Variants in DSTYK observed in about 807,000 individuals in gnomAD.
The protein encoded by DSTYK is RIP-homologous kinase.
In DSTYK, 34 loss-of-function variants were observed where a neutral mutation model predicts 98.7. That is an observed-to-expected ratio of 0.34 (90% confidence interval 0.26 to 0.46). The LOEUF (loss-of-function observed/expected upper bound fraction) is 0.46, where lower values mean the gene tolerates loss of function less well. Among genes scored for constraint, DSTYK ranks in the 20% least tolerant of loss-of-function variants. The pLI is 1.00. For synonymous variants in DSTYK, 462 were observed against 457.3 expected, an observed-to-expected ratio of 1.01 and a Z score of -0.13; for missense variants, 962 against 1,181.7, an observed-to-expected ratio of 0.81 and a Z score of 2.73.
rs370863915 is a variant in DSTYK at position 205,160,309 on chromosome 1, G to A, written c.1949-39C>T. The A allele has an allele frequency of 5.0e-5, 79 of 1,575,254 alleles. No homozygotes were observed. The African/African-American group carries it at 7.4e-4, about 15-fold the overall frequency. On this transcript the variant is annotated intron_variant, in intron 7 of 12. Coordinates refer to ENST00000367162, the MANE Select transcript of DSTYK (RefSeq NM_015375.3). ...AGACAGAGATAAGGCAGGAGGAATG[G>A]GAACTTCGTGGGCAACCTCTGTAAG...
chr1:205,197,436 C>T (rs1013201971), intron 1 of DSTYK, among the ~76,000 whole-genome samples: 1 of 152,114 alleles, frequency 6.6e-6, no homozygotes, highest in Non-Finnish European at 1.5e-5. Flanking sequence ...AGAAAATTTG[C>T]ATGAAGCAGG....
intron 1 of DSTYK, chr1:205,202,642 G>T: frequency 8.4e-7 from 1 of 1,196,728 alleles, no homozygotes; most frequent in South Asian, 1.2e-5. Flanking sequence ...GATCCTTACT[G>T]AAAAGGAACA....
chr1:205,181,529 A>G (rs1435098579), intron 2 of DSTYK, among the ~76,000 whole-genome samples: 2 of 151,352 alleles, frequency 1.3e-5, no homozygotes, highest in African/African-American at 4.9e-5. Flanking sequence ...TAATTTTTGT[A>G]TTTTTAATAG....
At chr1:205,190,608 T>A (rs1487367775) in intron 1 of DSTYK, among the ~76,000 whole-genome samples, 2 of 94,750 alleles carry the variant, frequency 2.1e-5, no homozygotes, top group Non-Finnish European at 3.8e-5. Flanking sequence ...AGAGCGAGAC[T>A]CCATCTCAAA....
In DSTYK at chr1:205,162,157, C is replaced by G. The variant is rs1335596582; in HGVS notation, c.1697G>C (p.Arg566Thr). ...CTCAATGGCTTCCTGGGCCACCTTC[C>G]TCTTCCATTCCAGAGTGATGGCAGG... Reference protein sequence around the residue: ...SPPAITLEWKRKVAQEAIESL... With the variant: ...SPPAITLEWKTKVAQEAIESL... Residue 566 changes from arginine to threonine, a missense_variant, in exon 6 of 13, where the codon AGG (arginine) becomes ACG (threonine). By Grantham distance (71) the Arg-to-Thr change is moderately conservative. Coordinates refer to ENST00000367162, the MANE Select transcript of DSTYK (RefSeq NM_015375.3). 1 of 1,614,186 alleles carries G rather than the reference C, an allele frequency of 6.2e-7. No individual in the cohort carries two copies. Among genetic ancestry groups the G allele is most frequent in the Non-Finnish European group, 8.5e-7 (1 of 1,180,004 alleles).
Position 205,169,479 on chromosome 1 carries a change from C to T in DSTYK, c.1008G>A (p.Gln336=), listed in dbSNP as rs542688934. Residue 336 remains glutamine, a synonymous_variant, in exon 3 of 13, where the codon CAG becomes CAA. Coordinates refer to ENST00000367162, the MANE Select transcript of DSTYK (RefSeq NM_015375.3). The surrounding 1 kb of genome is among the most constrained non-coding windows in gnomAD (Gnocchi z 4.0). ...TGCTCAAGTGTCTCAGCTTTTCACT[C>T]TGTTCCACCAACATGCTCTGAGCTT... ...DTKAQSMLVE[Q]SEKLRHLSTF... 6.2e-7 allele frequency: 1 copy of T among 1,614,172 alleles called. No homozygotes were observed. Among genetic ancestry groups the T allele is most frequent in the East Asian group, 2.2e-5 (1 of 44,870 alleles).
chr1:205,166,890 C>T (rs115805868), intron 3 of DSTYK, among the ~76,000 whole-genome samples: 1,844 of 152,266 alleles, frequency 0.012, 41 homozygotes, highest in African/African-American at 0.042. Context: ...TCTCCAAAGA[C>T]GTACTGTATA....
At chr1:205,164,756 C>T (rs971919415) in intron 3 of DSTYK, among the ~76,000 whole-genome samples, 3 of 152,146 alleles carry the variant, frequency 2.0e-5, no homozygotes, top group South Asian at 2.1e-4. Flanking sequence ...CCACCGTGCC[C>T]GGCAATTTTG....
Position 205,160,193 on chromosome 1 carries a change from A to G in DSTYK, c.2026T>C (p.Phe676Leu), listed in dbSNP as rs1192287690. 3 of 1,613,980 alleles carry G rather than the reference A, an allele frequency of 1.9e-6. No homozygotes were observed. The highest frequency in any genetic ancestry group is 2.5e-6 in the Non-Finnish European group (3 of 1,179,950). Residue 676 changes from phenylalanine (F) to leucine (L), a missense_variant, in exon 8 of 13, where the codon TTC becomes CTC. Coordinates refer to ENST00000367162, the MANE Select transcript of DSTYK (RefSeq NM_015375.3). The part of the protein sequence containing the change: ...VYLCDNWGGH[F>L]PCALKSVVPP... ...ACAACTGATTTGAGGGCACAAGGGA[A>G]GTGTCCTCCCCAGTTGTCACACAGG...
chr1:205,190,557 A>C (rs1658679362), intron 1 of DSTYK, among the ~76,000 whole-genome samples: 1 of 142,772 alleles, frequency 7.0e-6, no homozygotes, highest in African/African-American at 2.6e-5. Context: ...CGGAGGTTGC[A>C]GTGAGCCAAG....
chr1:205,170,568 C>A (rs1476893002), intron 2 of DSTYK, among the ~76,000 whole-genome samples: 1 of 152,204 alleles, frequency 6.6e-6, no homozygotes, highest in Non-Finnish European at 1.5e-5. Context: ...AAGCCAGGTT[C>A]ACCAAACATT....
chr1:205,173,390 C>CAAAAAAAAAAAAAAAAA (rs570805658), intron 2 of DSTYK: 45 of 82,504 alleles, frequency 5.5e-4, no homozygotes, highest in Non-Finnish European at 6.5e-4. Context: ...GAGACTGTCT[C>CAAAAAAAAAAAAAAAAA]AAAAAAAAAA....
intron 2 of DSTYK, among the ~76,000 whole-genome samples, chr1:205,177,250 A>C (rs189075152): frequency 7.2e-5 from 11 of 152,154 alleles, no homozygotes; most frequent in African/African-American, 2.4e-4. Flanking sequence ...GAAAACAGTT[A>C]TGTACGCAGG....
chr1:205,178,674 A>T (rs1453152291), intron 2 of DSTYK, among the ~76,000 whole-genome samples: 1 of 152,178 alleles, frequency 6.6e-6, no homozygotes, highest in Non-Finnish European at 1.5e-5. Flanking sequence ...AGGAGTTCCA[A>T]TGTGGATGAT....
At chr1:205,151,572 C>T (rs2102380662) in intron 10 of DSTYK, among the ~76,000 whole-genome samples, 1 of 152,024 alleles carries the variant, frequency 6.6e-6, no homozygotes, top group East Asian at 1.9e-4. Context: ...CTTCTAGGCT[C>T]TTCCCACCTC....
At chr1:205,148,900 A>T (rs1486535025) in intron 11 of DSTYK, among the ~76,000 whole-genome samples, 2 of 150,918 alleles carry the variant, frequency 1.3e-5, no homozygotes, top group Non-Finnish European at 2.9e-5. Context: ...GGAATTAGAA[A>T]GTGTTTTTTT....
At chr1:205,209,265 G>A (rs1446808602) in intron 1 of DSTYK, among the ~76,000 whole-genome samples, 1 of 152,168 alleles carries the variant, frequency 6.6e-6, no homozygotes, top group Non-Finnish European at 1.5e-5. Flanking sequence ...CAGCAATAAA[G>A]GGCTTTTTAA....
At position 205,211,491 on chromosome 1, in the gene DSTYK, A is replaced by G; in HGVS notation, c.45T>C (p.Gly15=). Residue 15 remains glycine (G), a synonymous_variant, in exon 1 of 13, where the codon GGT becomes GGC. Coordinates refer to ENST00000367162, the MANE Select transcript of DSTYK (RefSeq NM_015375.3). ...GVPWGSEPVS[G]PGPGGGGMIR... ...TCATTCCGCCGCCGCCGGGGCCGGG[A>G]CCCGAGACGGGCTCGCTGCCCCATG... 1 of 1,580,464 alleles carries G rather than the reference A, an allele frequency of 6.3e-7. No individual in the cohort carries two copies. Among genetic ancestry groups the G allele is most frequent in the African/African-American group, 1.4e-5 (1 of 73,562 alleles).
intron 2 of DSTYK, among the ~76,000 whole-genome samples, chr1:205,182,975 C>T (rs961923830): frequency 3.3e-4 from 50 of 151,712 alleles, no homozygotes; most frequent in African/African-American, 1.1e-3. Flanking sequence ...GTAAATGAAA[C>T]GCCACCTCCA....
Sources: gnomAD v4.1 joint callset for allele counts (sites outside exome capture counted in the v4.1 genomes callset) on GRCh38, gnomAD v4.1.1 for gene constraint, Gnocchi (gnomAD v3.1) non-coding constraint, MANE v1.5 for transcripts, NCBI Gene and HGNC (gene_info 2026-07-23, HGNC 2026-07-21) for gene names.